Variants in RBMX observed in about 807,000 individuals in gnomAD.
RBMX encodes RNA binding motif protein X-linked.
In RBMX, 1 loss-of-function variant was observed where a neutral mutation model predicts 29.3. The observed-to-expected ratio is 0.03, with a 90% confidence interval of 0.01 to 0.16. The LOEUF (loss-of-function observed/expected upper bound fraction) is 0.16. Ranked by LOEUF, RBMX falls within the 10% of genes least tolerant of loss-of-function variation. RBMX has a pLI of 1.00. For synonymous variants in RBMX, 102 were observed against 102.3 expected (o/e 1.00, Z 0.02); for missense variants, 121 against 333.2 (o/e 0.36, Z 4.96).
chrX:136,876,225 A>G (rs1340022302), intron 5 of RBMX, among the ~76,000 whole-genome samples: 3 of 103,127 alleles, frequency 2.9e-5, no homozygotes, highest in African/African-American at 1.1e-4. Flanking sequence ...CCAGGTTCAA[A>G]CAATTCTCCT....
downstream of RBMX, among the ~76,000 whole-genome samples, chrX:136,870,784 CAAAA>C (rs1244678130): frequency 4.4e-5 from 2 of 45,039 alleles, no homozygotes; most frequent in Middle Eastern, 0.022. Context: ...GAAGCCATCT[CAAAA>C]AAAAAAAAAG....
downstream of RBMX, among the ~76,000 whole-genome samples, chrX:136,871,599 C>T (rs1401023236): frequency 9.0e-6 from 1 of 110,947 alleles, no homozygotes; most frequent in Non-Finnish European, 1.9e-5. Context: ...AATGAGCAAG[C>T]ACTAACTAGT....
chrX:136,873,926 T>C lies in RBMX; in HGVS notation c.*216A>G. 1 of 1,066,423 alleles carries C rather than the reference T, an allele frequency of 9.4e-7. No homozygotes were observed. Among genetic ancestry groups the C allele is most frequent in the African/African-American group, 1.9e-5 (1 of 53,635 alleles). 87.9% of individuals were successfully genotyped at this position (1,066,423 alleles called of 1,213,427 possible). On this transcript the variant is annotated 3_prime_UTR_variant, in exon 9 of 9. Transcript: ENST00000320676. ...AGTACAAGTCTTAACACATTTAACA[T>C]TTGCTTGTTGAAAAGCAATGCGAAA...
At position 136,880,666 on chromosome X, in the gene RBMX, G is replaced by C. The variant is rs955128848; in HGVS notation, c.-96C>G. 1 of 124,270 alleles carries C rather than the reference G, an allele frequency of 8.0e-6. No homozygotes were observed. The highest frequency in any genetic ancestry group is 1.8e-5 in the Non-Finnish European group (1 of 55,036). 10.2% of individuals were successfully genotyped at this position (124,270 alleles called of 1,213,427 possible). On this transcript the variant is annotated 5_prime_UTR_variant, in exon 1 of 9. Coordinates refer to ENST00000320676, the MANE Select transcript of RBMX (RefSeq NM_002139.4). ...GGGGCTTCCTAGCAGCTCAGCACCA[G>C]TGGCGGCTGCCGGGTGCGAGGACCG...
chrX:136,872,198 T>C (rs1045038864), downstream of RBMX: 46 of 846,767 alleles, frequency 5.4e-5, no homozygotes, highest in Non-Finnish European at 6.9e-5. Flanking sequence ...AACTTGCCAA[T>C]GTCACAGCTA....
intron 8 of RBMX, 115 bp from the exon 9 acceptor site, chrX:136,874,567 G>A: frequency 2.1e-6 from 2 of 945,326 alleles, no homozygotes; most frequent in Non-Finnish European, 2.9e-6. Flanking sequence ...AACTGGGTGG[G>A]AGGTTTTAAA....
chrX:136,872,362 A>G (rs754238493), downstream of RBMX: 7 of 1,152,382 alleles, frequency 6.1e-6, no homozygotes, highest in South Asian at 1.1e-4. Flanking sequence ...AAGTTAAATA[A>G]ATGAAAACTA....
chrX:136,878,655 T>TGGGGGGGGGG (rs2077763616), intron 3 of RBMX, among the ~76,000 whole-genome samples: 1 of 6,887 alleles, frequency 1.5e-4, no homozygotes, highest in African/African-American at 5.6e-4. Context: ...GGGGGGGGGC[T>TGGGGGGGGGG]GAGGCAGAAA....
At chrX:136,874,968 C>A in intron 8 of RBMX, 118 bp downstream of exon 8, 1 of 1,092,039 alleles carries the variant, frequency 9.2e-7, no homozygotes, top group Non-Finnish European at 1.2e-6. Context: ...GATAAAGTTA[C>A]CCCTTTAAAA....
At chrX:136,874,484 C>G (rs1234920613) in intron 8 of RBMX, 32 bp from the exon 9 acceptor site, 1 of 1,192,427 alleles carries the variant, frequency 8.4e-7, no homozygotes, top group Non-Finnish European at 1.1e-6. Context: ...AATATGGCAA[C>G]ACTATAAATT....
At chrX:136,878,540 G>GT (rs1288282112) in intron 3 of RBMX, among the ~76,000 whole-genome samples, 1 of 105,011 alleles carries the variant, frequency 9.5e-6, no homozygotes. Flanking sequence ...GAAGTCAGGA[G>GT]TTTGAGACCA....
downstream of RBMX, chrX:136,870,005 C>CA (rs1391797446): frequency 8.9e-6 from 1 of 112,018 alleles, no homozygotes; most frequent in Non-Finnish European, 1.9e-5. Flanking sequence ...AAGCCACCAC[C>CA]AAAAAATGTT....
intron 4 of RBMX, 35 bp from the exon 5 acceptor site, chrX:136,876,690 T>A: frequency 7.3e-6 from 7 of 959,266 alleles, no homozygotes; most frequent in Non-Finnish European, 9.9e-6. Context: ...ATATTACTAC[T>A]CACAAGAATC....
intron 3 of RBMX, 56 bp downstream of exon 3, chrX:136,878,961 A>G (rs982774666): frequency 5.8e-5 from 69 of 1,191,250 alleles, no homozygotes; most frequent in Non-Finnish European, 7.3e-5. Flanking sequence ...TTGGACAACT[A>G]CATGTTATTT....
At chrX:136,870,940 T>C (rs776340786), downstream of RBMX, among the ~76,000 whole-genome samples, 104 of 106,130 alleles carry the variant, frequency 9.8e-4, no homozygotes, top group African/African-American at 3.5e-3. Context: ...CCCTGTCTAC[T>C]AAAAATACAA....
rs766612675 is a variant in RBMX, at chrX:136,875,459, C to G, written c.656+12G>C. The G allele has an allele frequency of 7.2e-5, 87 of 1,206,969 alleles. No individual in the cohort carries two copies. Among genetic ancestry groups the G allele is most frequent in the Non-Finnish European group, 9.3e-5 (83 of 894,204 alleles). ...TTAATTATTAATTTAAAAAGCTGCACTTTTCTATTACCTGTCTTTAGTAGA... is the reference window on the plus strand; with the variant it reads ...TTAATTATTAATTTAAAAAGCTGCAGTTTTCTATTACCTGTCTTTAGTAGA... On this transcript the variant is annotated intron_variant, in intron 6 of 8. Transcript: ENST00000320676.
chrX:136,875,219 C>G (rs2306221), intron 7 of RBMX, 39 bp downstream of exon 7: 1 of 1,210,824 alleles, frequency 8.3e-7, no homozygotes, highest in East Asian at 3.0e-5. Context: ...TTCATTGCAA[C>G]TTTTCTTACA....
rs760383742 is a variant in RBMX at position 136,879,476 on chromosome X, C to T, written c.-26-23G>A. 5 of 1,113,946 alleles carry T rather than the reference C, an allele frequency of 4.5e-6. No homozygotes were observed. The South Asian group carries it at 7.9e-5, about 18-fold the overall frequency. 91.8% of individuals were successfully genotyped at this position (1,113,946 alleles called of 1,213,427 possible). A position where few individuals can be genotyped will look rare whatever the true frequency, so the allele number is the denominator to read the frequency against. ...AGTCTGTTGAAAAGGAATAGTATTACCTCACTGCAAAAAGTTCCTCAAGTT... is the reference window on the plus strand; with the variant it reads ...AGTCTGTTGAAAAGGAATAGTATTATCTCACTGCAAAAAGTTCCTCAAGTT... On this transcript the variant is annotated intron_variant, in intron 1 of 8. Transcript: ENST00000320676.
chrX:136,871,297 C>T (rs192108095), downstream of RBMX, among the ~76,000 whole-genome samples: 149 of 106,536 alleles, frequency 1.4e-3, 1 homozygote, highest in Non-Finnish European at 1.4e-3. Flanking sequence ...AAAAATCAGC[C>T]GGGCGTGGCA....
Sources: gnomAD v4.1 joint callset for allele counts (sites outside exome capture counted in the v4.1 genomes callset) on GRCh38, gnomAD v4.1.1 for gene constraint, MANE v1.5 for transcripts, NCBI Gene and HGNC (gene_info 2026-07-23, HGNC 2026-07-21) for gene names.